Variants in GOLGA4 observed in about 807,000 individuals in gnomAD.
GOLGA4 encodes the protein golgin subfamily A member 4.
Under a neutral mutation model 265.9 loss-of-function variants are expected in GOLGA4, and 169 were observed. The observed-to-expected ratio is 0.64, with a 90% CI of 0.56 to 0.72. The LOEUF is 0.72. GOLGA4 is among the 30% of genes least tolerant of loss of function. The probability of loss-of-function intolerance (pLI) is 0.00; values close to 1 mark genes in which losing one functional copy is unlikely to be tolerated. For missense variants in GOLGA4, 2,482 were observed against 2,483.4 expected, an observed-to-expected ratio of 1.00 and a Z score of 0.01; for synonymous variants, 923 against 855.8, an observed-to-expected ratio of 1.08 and a Z score of -1.37.
At chr3:37,252,200 A>C (rs1310906199) in intron 2 of GOLGA4, among the ~76,000 whole-genome samples, 2 of 152,176 alleles carry the variant, frequency 1.3e-5, no homozygotes, top group Non-Finnish European at 2.9e-5. Context: ...ACGGGTCAGC[A>C]AATTATCATG....
At chr3:37,340,765 C>G (rs933044810) in intron 20 of GOLGA4, among the ~76,000 whole-genome samples, 1 of 152,164 alleles carries the variant, frequency 6.6e-6, no homozygotes. Flanking sequence ...CCATGTTGTT[C>G]CAATGGCAGA....
Position 37,277,212 on chromosome 3 carries a change from C to G in GOLGA4, c.163-4746C>G, listed in dbSNP as rs567552076. On this transcript the variant is annotated intron_variant, in intron 2 of 23. Coordinates refer to ENST00000361924, the MANE Select transcript of GOLGA4 (RefSeq NM_002078.5). ...CCGTGATCATCATCTCTTGTAATTT[C>G]TTGTACATGTATATTACTTGTTCTT... Among the ~76,000 whole-genome samples the G allele has an allele frequency of 6.6e-4, 100 of 152,272 alleles. 1 individual carries two copies. The highest frequency in any genetic ancestry group is 9.1e-4 in the Non-Finnish European group (62 of 68,018).
At chr3:37,363,666 C>T (rs1413558467) in intron 23 of GOLGA4, among the ~76,000 whole-genome samples, 1 of 152,166 alleles carries the variant, frequency 6.6e-6, no homozygotes, top group Admixed American at 6.6e-5. Flanking sequence ...AGAACAAGGA[C>T]ATTTTTCTAC....
Position 37,327,273 on chromosome 3 carries a change from A to G in GOLGA4, c.5387A>G (p.His1796Arg). Residue 1796 changes from histidine (H) to arginine (R), a missense_variant, in exon 14 of 24, where the codon CAT becomes CGT. His to Arg is a conservative substitution (Grantham distance 29). Transcript: ENST00000361924. Reference sequence around the variant, plus strand: ...CATGAAGATCAAAGTATGATAGGTCATCTTCAAGAGGAGCTTGAAGAAAAA... The same window carrying G: ...CATGAAGATCAAAGTATGATAGGTCGTCTTCAAGAGGAGCTTGAAGAAAAA... ...KQHEDQSMIG[H>R]LQEELEEKNK... The G allele has an allele frequency of 6.2e-7, 1 of 1,613,520 alleles. No homozygotes were observed. The highest frequency in any genetic ancestry group is 8.5e-7 in the Non-Finnish European group (1 of 1,179,502).
At chr3:37,302,471 A>G in intron 10 of GOLGA4, 139 bp downstream of exon 10, 1 of 751,828 alleles carries the variant, frequency 1.3e-6, no homozygotes, top group African/African-American at 1.8e-5. Flanking sequence ...CCATCTGCTC[A>G]TTAGAGGAGG....
In GOLGA4 at chr3:37,327,201, A is replaced by G. The variant is rs1300583481; in HGVS notation, c.5315A>G (p.Gln1772Arg). The change falls in exon 14 of 24, where the codon CAA becomes CGA. Residue 1772 changes from glutamine (Q) to arginine (R), a missense_variant. This residue lies in a region of GOLGA4 where 942 missense variants were observed against 983.1 expected (regional missense o/e 0.96). Transcript: ENST00000361924. ...TCTTCTCATTTTGAAATGCGATGCC[A>G]ATACCAGGAGCGCTTAATAAAGCTA... ...TVSSHFEMRC[Q>R]YQERLIKLEH... 1 of 1,613,920 alleles carries G rather than the reference A, an allele frequency of 6.2e-7. No individual in the cohort carries two copies.
At chr3:37,362,887 A>G (rs1413785937) in intron 23 of GOLGA4, among the ~76,000 whole-genome samples, 1 of 143,810 alleles carries the variant, frequency 7.0e-6, no homozygotes, top group East Asian at 2.1e-4. Flanking sequence ...GGTTCACACC[A>G]TTCTCCTCCC....
intron 10 of GOLGA4, among the ~76,000 whole-genome samples, chr3:37,303,830 A>G (rs576472709): frequency 6.6e-6 from 1 of 152,210 alleles, no homozygotes; most frequent in African/African-American, 2.4e-5. Flanking sequence ...ACTGCTAGCC[A>G]TTACTTACTT....
chr3:37,243,512 A>T lies in GOLGA4; in HGVS notation c.-39A>T. ...GGGACTCCCCGGGCTCTCGCCCTTC[A>T]GGTTTCGTTGACACTCAGGACCGTA... is the stretch of plus-strand genomic sequence containing the variant. On this transcript the variant is annotated 5_prime_UTR_variant, in exon 1 of 24. Coordinates refer to ENST00000361924, the MANE Select transcript of GOLGA4 (RefSeq NM_002078.5). The T allele has an allele frequency of 1.3e-6, 2 of 1,591,752 alleles. No individual in the cohort carries two copies. Among genetic ancestry groups the T allele is most frequent in the Non-Finnish European group, 1.7e-6 (2 of 1,159,680 alleles).
rs940327816 is a variant in GOLGA4, at chr3:37,326,252, C to T, written c.4366C>T (p.His1456Tyr). The T allele has an allele frequency of 1.9e-6, 3 of 1,613,538 alleles. No homozygotes were observed. Among genetic ancestry groups the T allele is most frequent in the Admixed American group, 3.3e-5 (2 of 60,006 alleles). Residue 1456 changes from histidine to tyrosine, a missense_variant, in exon 14 of 24, where the codon CAT becomes TAT. Transcript: ENST00000361924. ...GAAAGCACAGTCAAGATTTACACAGCATCAAAACACTGTTAAAGAATTGCA... is the reference window on the plus strand; with the variant it reads ...GAAAGCACAGTCAAGATTTACACAGTATCAAAACACTGTTAAAGAATTGCA... ...KKKAQSRFTQ[H>Y]QNTVKELQIQ...
Position 37,324,011 on chromosome 3 carries a change from G to A in GOLGA4, c.2125G>A (p.Val709Ile), listed in dbSNP as rs750976266. Residue 709 changes from valine to isoleucine, a missense_variant, in exon 14 of 24, where the codon GTT becomes ATT. By Grantham distance (29) the Val-to-Ile change is conservative. Coordinates refer to ENST00000361924, the MANE Select transcript of GOLGA4 (RefSeq NM_002078.5). ...TCACAAACTAGAAGAGGAACTTTCT[G>A]TTCTGAAAGATCAAACAGATAAAAT... ...ARHKLEEELS[V>I]LKDQTDKMKQ... The A allele has an allele frequency of 1.9e-5, 31 of 1,613,726 alleles. No individual in the cohort carries two copies. Among genetic ancestry groups the A allele is most frequent in the East Asian group, 2.2e-5 (1 of 44,882 alleles).
In GOLGA4 at chr3:37,244,765, A is replaced by G. The variant is rs567025396; in HGVS notation, c.72+1143A>G. On this transcript the variant is annotated intron_variant, in intron 1 of 23. Coordinates refer to ENST00000361924, the MANE Select transcript of GOLGA4 (RefSeq NM_002078.5). ...CAGTGCTTGAGAAAAACATCAGAAC[A>G]CAACACTGAAGGGTTGCTTCTTTTC... Among the ~76,000 whole-genome samples the G allele has an allele frequency of 3.3e-5, 5 of 152,378 alleles. No individual in the cohort carries two copies. The East Asian group carries it at 7.7e-4, about 23-fold the overall frequency.
At chr3:37,333,079 A>C (rs1373010189) in intron 16 of GOLGA4, among the ~76,000 whole-genome samples, 3 of 152,204 alleles carry the variant, frequency 2.0e-5, no homozygotes, top group Non-Finnish European at 4.4e-5. Context: ...AATTTGAAGG[A>C]GGCAACACAT....
At chr3:37,277,264 T>C (rs1404057263) in intron 2 of GOLGA4, among the ~76,000 whole-genome samples, 2 of 152,218 alleles carry the variant, frequency 1.3e-5, no homozygotes, top group Non-Finnish European at 2.9e-5. Flanking sequence ...CAAGACTTTA[T>C]TGAGATCAGT....
intron 2 of GOLGA4, among the ~76,000 whole-genome samples, chr3:37,280,206 T>G (rs2096831140): frequency 6.6e-6 from 1 of 152,234 alleles, no homozygotes; most frequent in Non-Finnish European, 1.5e-5. Flanking sequence ...TATATATATT[T>G]CTTTCACTGT....
chr3:37,317,529 A>G (rs1289471869), intron 11 of GOLGA4, among the ~76,000 whole-genome samples: 3 of 152,138 alleles, frequency 2.0e-5, no homozygotes, highest in African/African-American at 7.2e-5. Flanking sequence ...GATGCCTAGA[A>G]GTGGAATATT....
chr3:37,326,981 G>A lies in GOLGA4; in HGVS notation c.5095G>A (p.Glu1699Lys). The A allele has an allele frequency of 6.2e-7, 1 of 1,613,836 alleles. No individual in the cohort carries two copies. Among genetic ancestry groups the A allele is most frequent in the Non-Finnish European group, 8.5e-7 (1 of 1,179,818 alleles). ...CTTGGAAGAAAAACTTAAGTCAGTG[G>A]AAAGTTCACAGTCAGAAACATTAAT... ...HILEEKLKSV[E>K]SSQSETLIVP... The change falls in exon 14 of 24, where the codon GAA (glutamate) becomes AAA (lysine). Residue 1699 changes from glutamate (E) to lysine (K), a missense_variant. By Grantham distance (56) the Glu-to-Lys change is moderately conservative (BLOSUM62 1). Transcript: ENST00000361924.
intron 2 of GOLGA4, among the ~76,000 whole-genome samples, chr3:37,271,711 G>A (rs1235627173): frequency 6.6e-6 from 1 of 152,068 alleles, no homozygotes; most frequent in Non-Finnish European, 1.5e-5. Flanking sequence ...TGTTCCATCA[G>A]TAAATATTTT....
intron 2 of GOLGA4, among the ~76,000 whole-genome samples, chr3:37,264,355 T>G (rs1354632211): frequency 6.6e-6 from 1 of 152,150 alleles, no homozygotes; most frequent in Non-Finnish European, 1.5e-5. Flanking sequence ...AGTAGAAACT[T>G]GGATATGATG....
Sources: allele counts gnomAD v4.1 joint callset (sites outside exome capture counted in the v4.1 genomes callset), GRCh38; gene constraint gnomAD v4.1.1; regional missense constraint gnomAD v4.1.1; transcripts MANE v1.5; gene names NCBI Gene and HGNC (gene_info 2026-07-23, HGNC 2026-07-21).